Variants in NWD1 observed in about 807,000 individuals in gnomAD.
The protein encoded by NWD1 is NACHT and WD repeat domain containing 1.
A neutral mutation model predicts 135.1 loss-of-function variants in NWD1; 129 were observed. The ratio of observed to expected loss-of-function variants is 0.96; its 90% CI spans 0.83 to 1.11. NWD1 has a LOEUF of 1.11. NWD1 is among the 50% of genes least tolerant of loss of function. NWD1 has a pLI of 0.00. For synonymous variants in NWD1, 773 were observed against 786.0 expected (o/e 0.98, Z 0.28); for missense variants, 1,740 against 1,851.3 (o/e 0.94, Z 1.10).
At chr19:16,770,733 T>C (rs147048038) in intron 10 of NWD1, among the ~76,000 whole-genome samples, 2 of 152,266 alleles carry the variant, frequency 1.3e-5, no homozygotes, top group Admixed American at 6.5e-5. Context: ...TCCACCCGTG[T>C]TGCCATCGAG....
chr19:16,762,555 A>AAAACAAAC (rs111538296), intron 8 of NWD1, among the ~76,000 whole-genome samples: 4 of 151,340 alleles, frequency 2.6e-5, no homozygotes, highest in African/African-American at 7.4e-5. Flanking sequence ...CTCTGTCTCA[A>AAAACAAAC]AAACAAACAA....
chr19:16,786,747 T>G (rs570613501), intron 12 of NWD1, among the ~76,000 whole-genome samples: 1 of 152,000 alleles, frequency 6.6e-6, no homozygotes, highest in Admixed American at 6.6e-5. Flanking sequence ...GGGTTTTGCC[T>G]TGTTGGCCAG....
intron 11 of NWD1, 150 bp from the exon 12 acceptor site, chr19:16,779,193 A>G: frequency 1.2e-6 from 1 of 824,500 alleles, no homozygotes; most frequent in Non-Finnish European, 2.0e-6. Flanking sequence ...TGCGAATCTA[A>G]TCCTTGCTGT....
chr19:16,781,847 C>T (rs1969864060), intron 12 of NWD1, among the ~76,000 whole-genome samples: 1 of 151,986 alleles, frequency 6.6e-6, no homozygotes, highest in Admixed American at 6.6e-5. Flanking sequence ...AATCTCAGCA[C>T]TTTGGGAGGC....
At chr19:16,791,009 A>T (rs944003991) in intron 13 of NWD1, among the ~76,000 whole-genome samples, 1 of 152,088 alleles carries the variant, frequency 6.6e-6, no homozygotes, top group Non-Finnish European at 1.5e-5. Flanking sequence ...AGCAGGGAGG[A>T]TAGTTTGAGC....
intron 6 of NWD1, among the ~76,000 whole-genome samples, chr19:16,750,704 T>C (rs1313862322): frequency 6.6e-6 from 1 of 151,962 alleles, no homozygotes; most frequent in East Asian, 1.9e-4. Context: ...GGCATGATCA[T>C]AGCTCACTGC....
At chr19:16,785,464 T>C (rs1030045358) in intron 12 of NWD1, among the ~76,000 whole-genome samples, 4 of 151,490 alleles carry the variant, frequency 2.6e-5, no homozygotes, top group African/African-American at 7.3e-5. Flanking sequence ...TGAGCCGAGA[T>C]TGCGTCACTG....
Position 16,749,911 on chromosome 19 carries a change from T to C in NWD1, c.1269T>C (p.Thr423=). The stretch of plus-strand genomic sequence containing the variant: ...AGTTTTTCCATACCCTCCTCCACAC[T>C]GTCTCTTGCAGAAACTTCGAGTCTC... ...VVQFFHTLLH[T]VSCRNFESLV... is the part of the protein sequence containing the mutation. The change falls in exon 6 of 19, where the codon ACT becomes ACC. Residue 423 remains threonine, a synonymous_variant. Transcript: ENST00000524140. 1.2e-6 allele frequency: 2 copies of C among 1,613,616 alleles called. No homozygotes were observed. Among genetic ancestry groups the C allele is most frequent in the South Asian group, 1.1e-5 (1 of 91,090 alleles).
chr19:16,733,721 T>C (rs1456119212), intron 3 of NWD1, among the ~76,000 whole-genome samples: 1 of 152,036 alleles, frequency 6.6e-6, no homozygotes. Context: ...GATGAAATGG[T>C]CAAGCTTTTC....
chr19:16,783,686 A>G (rs1180100321), intron 12 of NWD1, among the ~76,000 whole-genome samples: 1 of 149,974 alleles, frequency 6.7e-6, no homozygotes, highest in African/African-American at 2.4e-5. Context: ...ATAAAATAAT[A>G]AAATAAAAAA....
intron 17 of NWD1, among the ~76,000 whole-genome samples, chr19:16,805,959 C>G (rs1970735251): frequency 6.6e-6 from 1 of 151,798 alleles, no homozygotes; most frequent in African/African-American, 2.4e-5. Context: ...ACCTCCACCT[C>G]CTGGGTTCAA....
chr19:16,779,671 T>G (rs1969787640), intron 12 of NWD1, among the ~76,000 whole-genome samples: 1 of 152,178 alleles, frequency 6.6e-6, no homozygotes, highest in Non-Finnish European at 1.5e-5. Context: ...GGGATCTCAC[T>G]GTATTGCCCA....
rs980916481 is a variant in NWD1 at position 16,773,111 on chromosome 19, A to C, written c.2411-15A>C. 6 of 1,612,270 alleles carry C rather than the reference A, an allele frequency of 3.7e-6. No individual in the cohort carries two copies. Among genetic ancestry groups the C allele is most frequent in the Non-Finnish European group, 4.2e-6 (5 of 1,178,612 alleles). On this transcript the variant is annotated splice_polypyrimidine_tract_variant and intron_variant, in intron 10 of 18. Coordinates refer to ENST00000524140, the MANE Select transcript of NWD1 (RefSeq NM_001007525.5). ...GCTCAATCCAGGCAACTTAGTCTAC[A>C]TCCCTTTGTTGCAGAGAGGAGCCTC...
In NWD1 at chr19:16,749,661, T is replaced by C. The variant is rs535403809; in HGVS notation, c.1019T>C (p.Phe340Ser). 1.9e-6 allele frequency: 3 copies of C among 1,602,232 alleles called. No individual in the cohort carries two copies. Among genetic ancestry groups the C allele is most frequent in the South Asian group, 2.2e-5 (2 of 89,978 alleles). Reference protein sequence around the residue: ...DSKQHTPLVLFGPPGIGKTAL... With the variant: ...DSKQHTPLVLSGPPGIGKTAL... ...AAGCAGCACACCCCCCTGGTACTCT[T>C]TGGGCCCCCAGGCATTGGAAAGACA... Residue 340 changes from phenylalanine (F) to serine (S), a missense_variant, in exon 6 of 19, where the codon TTT becomes TCT. Transcript: ENST00000524140.
At chr19:16,799,675 T>A (rs58224547) in intron 16 of NWD1, among the ~76,000 whole-genome samples, 11,753 of 151,904 alleles carry the variant, frequency 0.077, 670 homozygotes, top group African/African-American at 0.15. Context: ...CCTGGCTAAT[T>A]TTTTGTATTT....
In NWD1 at chr19:16,749,481, GCCTCC is replaced by G. The variant is rs752253737; in HGVS notation, c.840_844del (p.Leu281Ter). On this transcript the variant is annotated frameshift_variant, in exon 6 of 19. Coordinates refer to ENST00000524140, the MANE Select transcript of NWD1 (RefSeq NM_001007525.5). LOFTEE classifies it high-confidence loss of function. The stretch of plus-strand genomic sequence containing the variant: ...AGGGCCAATCACCAGGTCCTCACAC[GCCTCC>G]GTGAGCTGGATACGGCCGGACAGGA... The G allele has an allele frequency of 6.2e-7, 1 of 1,611,892 alleles. No individual in the cohort carries two copies. The highest frequency in any genetic ancestry group is 1.7e-5 in the Admixed American group (1 of 59,966).
chr19:16,764,971 C>G (rs1234537663), intron 9 of NWD1, 63 bp from the exon 10 acceptor site: 2 of 1,548,928 alleles, frequency 1.3e-6, no homozygotes, highest in Admixed American at 1.7e-5. Flanking sequence ...TGATTCTCCA[C>G]CTCCCAGGAT....
Position 16,765,144 on chromosome 19 carries a change from C to T in NWD1, c.2362C>T (p.Arg788Cys), listed in dbSNP as rs138432345. ...GGACTCCCCTGAGGTTGGCCTGGTC[C>T]GTGAAGCCCTCCAGCTCTGCCGCCC... ...HLDSPEVGLVREALQLCRPAV... is the reference protein window; with the variant it reads ...HLDSPEVGLVCEALQLCRPAV... Residue 788 changes from arginine (R) to cysteine (C), a missense_variant, in exon 10 of 19, where the codon CGT becomes TGT. By Grantham distance (180) the Arg-to-Cys change is radical. Transcript: ENST00000524140. 36 of 1,614,100 alleles carry T rather than the reference C, an allele frequency of 2.2e-5. No homozygotes were observed. Among genetic ancestry groups the T allele is most frequent in the African/African-American group, 1.7e-4 (13 of 75,018 alleles).
chr19:16,752,497 A>G, intron 6 of NWD1, among the ~76,000 whole-genome samples: 1 of 143,550 alleles, frequency 7.0e-6, no homozygotes, highest in Non-Finnish European at 1.5e-5. Flanking sequence ...TCTATACAAC[A>G]ATTTTTTTTA....
Sources: allele counts gnomAD v4.1 joint callset (sites outside exome capture counted in the v4.1 genomes callset), GRCh38; gene constraint gnomAD v4.1.1; transcripts MANE v1.5; gene names NCBI Gene and HGNC (gene_info 2026-07-23, HGNC 2026-07-21).